IL1RAPL2: variants seen among roughly 807,000 people sequenced by gnomAD.
IL1RAPL2 encodes the protein interleukin 1 receptor accessory protein like 2.
IL1RAPL2 carries 3 observed loss-of-function variants against 44.1 expected under a neutral mutation model. The ratio of observed to expected loss-of-function variants is 0.07; its 90% CI spans 0.03 to 0.18. IL1RAPL2 has a LOEUF of 0.18. Among genes scored for constraint, IL1RAPL2 ranks in the 10% least tolerant of loss-of-function variants. IL1RAPL2 has a pLI of 1.00. For synonymous variants in IL1RAPL2, 181 were observed against 178.8 expected, an observed-to-expected ratio of 1.01 and a Z score of -0.10; for missense variants, 391 against 496.4, an observed-to-expected ratio of 0.79 and a Z score of 2.02.
chrX:104,905,414 T>C (rs1923958612), intron 2 of IL1RAPL2, among the ~76,000 whole-genome samples: 2 of 111,934 alleles, frequency 1.8e-5, no homozygotes, highest in South Asian at 7.4e-4. Flanking sequence ...CTAGGTTTTC[T>C]TCTAGGGTTT....
At chrX:105,256,922 T>G (rs1203530457) in intron 4 of IL1RAPL2, among the ~76,000 whole-genome samples, 7 of 111,590 alleles carry the variant, frequency 6.3e-5, no homozygotes, top group Non-Finnish European at 9.4e-5. Flanking sequence ...TTTGAATGGT[T>G]TTTTGTGTCT....
At chrX:104,917,365 T>C (rs1429451372) in intron 2 of IL1RAPL2, among the ~76,000 whole-genome samples, 1 of 112,128 alleles carries the variant, frequency 8.9e-6, no homozygotes, top group Non-Finnish European at 1.9e-5. Context: ...TTTCTGATGT[T>C]ATAATGTTCA....
chrX:104,634,828 T>A (rs144837255), intron 1 of IL1RAPL2, among the ~76,000 whole-genome samples: 6,228 of 111,746 alleles, frequency 0.056, 146 homozygotes, highest in Non-Finnish European at 0.086. Context: ...AATTGGAGCA[T>A]TCAGCCCATT....
chrX:104,632,328 C>CT (rs1293309886), intron 1 of IL1RAPL2, among the ~76,000 whole-genome samples: 1 of 111,315 alleles, frequency 9.0e-6, no homozygotes, highest in Non-Finnish European at 1.9e-5. Flanking sequence ...GATGCGGGCT[C>CT]TTTTTTGGTT....
At chrX:104,582,831 T>C (rs1928427826) in intron 1 of IL1RAPL2, among the ~76,000 whole-genome samples, 1 of 75,027 alleles carries the variant, frequency 1.3e-5, no homozygotes, top group East Asian at 4.2e-4. Context: ...TCTCTTTCTT[T>C]CTTTCTTTCT....
chrX:105,039,810 A>G (rs1456068039), intron 2 of IL1RAPL2, among the ~76,000 whole-genome samples: 1 of 111,505 alleles, frequency 9.0e-6, no homozygotes, highest in Non-Finnish European at 1.9e-5. Flanking sequence ...CAGATATACA[A>G]TCATGTCATC....
chrX:105,045,860 G>A (rs1219503656), intron 2 of IL1RAPL2, among the ~76,000 whole-genome samples: 2 of 111,091 alleles, frequency 1.8e-5, no homozygotes, highest in Non-Finnish European at 1.9e-5. Context: ...ACCACACCTG[G>A]CACTGCTTGA....
At chrX:104,954,026 T>A (rs2147712253) in intron 2 of IL1RAPL2, among the ~76,000 whole-genome samples, 1 of 112,131 alleles carries the variant, frequency 8.9e-6, no homozygotes, top group African/African-American at 3.2e-5. Flanking sequence ...GGGACAGTTA[T>A]GCTGAAGACA....
intron 5 of IL1RAPL2, among the ~76,000 whole-genome samples, chrX:105,374,891 C>T (rs1219025788): frequency 1.0e-5 from 1 of 95,918 alleles, no homozygotes; most frequent in African/African-American, 4.0e-5. Flanking sequence ...GAGCTTGCAG[C>T]GAGCCTAGAT....
At chrX:104,976,796 T>C (rs1458537457) in intron 2 of IL1RAPL2, among the ~76,000 whole-genome samples, 1 of 110,128 alleles carries the variant, frequency 9.1e-6, no homozygotes, top group Non-Finnish European at 1.9e-5. Flanking sequence ...AAAGGCCTGA[T>C]TGGGGCCACA....
chrX:105,562,489 C>CA (rs998582992), intron 6 of IL1RAPL2, among the ~76,000 whole-genome samples: 2 of 98,373 alleles, frequency 2.0e-5, no homozygotes, highest in Admixed American at 2.4e-4. Context: ...CCCATATATA[C>CA]AATTATTTGT....
rs918469040 is a variant in IL1RAPL2, at chrX:105,655,397, T to A, written c.773-61970T>A. Reference sequence around the variant, plus strand: ...ATTTCTTTAATTACAAAATAATCATTTCTATTTCTGAAATTGTTTTCTGTA... The same window carrying A: ...ATTTCTTTAATTACAAAATAATCATATCTATTTCTGAAATTGTTTTCTGTA... On this transcript the variant is annotated intron_variant, in intron 6 of 10. Coordinates refer to ENST00000372582, the MANE Select transcript of IL1RAPL2 (RefSeq NM_017416.2). Among the ~76,000 whole-genome samples, 57 of 112,775 alleles carry A rather than the reference T, an allele frequency of 5.1e-4. 1 individual carries two copies. The highest frequency in any genetic ancestry group is 1.3e-4 in the Non-Finnish European group (7 of 53,356).
chrX:104,917,317 C>A (rs1924482581), intron 2 of IL1RAPL2, among the ~76,000 whole-genome samples: 1 of 112,065 alleles, frequency 8.9e-6, no homozygotes, highest in South Asian at 3.7e-4. Flanking sequence ...AAGTCTCTCA[C>A]ATTCTTCAGA....
intron 2 of IL1RAPL2, among the ~76,000 whole-genome samples, chrX:105,097,330 CAAAAAAA>C (rs201390547): frequency 9.3e-5 from 4 of 43,182 alleles, no homozygotes; most frequent in African/African-American, 4.2e-4. Flanking sequence ...CAGTGTCAGA[CAAAAAAA>C]AAAAAAAAAA....
intron 2 of IL1RAPL2, among the ~76,000 whole-genome samples, chrX:104,901,808 T>C: frequency 8.9e-6 from 1 of 111,762 alleles, no homozygotes; most frequent in East Asian, 2.8e-4. Flanking sequence ...AGAGTGACAG[T>C]TCTTATGCTA....
chrX:105,173,194 C>T (rs1436247108), intron 2 of IL1RAPL2, among the ~76,000 whole-genome samples: 1 of 111,186 alleles, frequency 9.0e-6, no homozygotes, highest in Non-Finnish European at 1.9e-5. Context: ...TATTATTCAC[C>T]CCTCTGGAAT....
At chrX:105,686,469 A>G (rs1380546196) in intron 6 of IL1RAPL2, among the ~76,000 whole-genome samples, 1 of 109,856 alleles carries the variant, frequency 9.1e-6, no homozygotes, top group Non-Finnish European at 1.9e-5. Context: ...CAAAAGAGAC[A>G]AAGAAGGCCA....
intron 6 of IL1RAPL2, among the ~76,000 whole-genome samples, chrX:105,646,760 G>A (rs2037608989): frequency 8.9e-6 from 1 of 112,046 alleles, no homozygotes; most frequent in African/African-American, 3.2e-5. Flanking sequence ...TGTGAGGAGT[G>A]TACTTGAGTG....
intron 2 of IL1RAPL2, among the ~76,000 whole-genome samples, chrX:104,975,057 T>C (rs2030307408): frequency 8.9e-6 from 1 of 112,085 alleles, no homozygotes. Flanking sequence ...GCTATTTCTT[T>C]TTTTTCATCT....
Sources: gnomAD v4.1 joint callset for allele counts (sites outside exome capture counted in the v4.1 genomes callset) on GRCh38, gnomAD v4.1.1 for gene constraint, MANE v1.5 for transcripts, NCBI Gene and HGNC (gene_info 2026-07-23, HGNC 2026-07-21) for gene names.